The following PLCG2 variants were observed in gnomAD, a reference collection of about 807,000 sequenced individuals.
PLCG2 encodes 1-phosphatidylinositol 4,5-bisphosphate phosphodiesterase gamma-2.
A neutral mutation model predicts 175.6 loss-of-function variants in PLCG2; 69 were observed. The observed-to-expected ratio is 0.39, with a 90% CI of 0.32 to 0.48. The LOEUF (loss-of-function observed/expected upper bound fraction) is 0.48. Ranked by LOEUF, PLCG2 falls within the 20% of genes least tolerant of loss-of-function variation. PLCG2 has a pLI of 0.91. For synonymous variants in PLCG2, 827 were observed against 624.0 expected (o/e 1.33, Z -4.85); for missense variants, 1,798 against 1,650.9 (o/e 1.09, Z -1.54).
chr16:81,898,968 T>C (rs1240779252), intron 13 of PLCG2, among the ~76,000 whole-genome samples: 5 of 152,120 alleles, frequency 3.3e-5, no homozygotes, highest in Non-Finnish European at 7.3e-5. Flanking sequence ...GTGGATCAAC[T>C]GAATTCAGGA....
chr16:81,779,330 C>G lies in PLCG2; in HGVS notation c.-142C>G, dbSNP rs986675642. ...CCGGCGGCGGAGGGCGTGAGCGGCG[C>G]TGAGTGACCCGAGTCGGGACGCGGG... is the stretch of plus-strand genomic sequence containing the variant. On this transcript the variant is annotated 5_prime_UTR_variant, in exon 1 of 33. Transcript: ENST00000564138. 6.6e-6 allele frequency: 1 copy of G among 150,732 alleles called. No individual in the cohort carries two copies. Among genetic ancestry groups the G allele is most frequent in the African/African-American group, 2.4e-5 (1 of 41,262 alleles). The allele number at this position is 150,732 out of a possible 1,614,324, so 9.3% of individuals were successfully genotyped here. A position where few individuals can be genotyped will look rare whatever the true frequency, so the allele number is the denominator to read the frequency against.
upstream of PLCG2, among the ~76,000 whole-genome samples, chr16:81,778,080 A>AC (rs1176968603): frequency 1.8e-3 from 82 of 45,598 alleles, 4 homozygotes; most frequent in East Asian, 0.033. Flanking sequence ...ACACACACAC[A>AC]CAAAAAAAAC....
intron 30 of PLCG2, among the ~76,000 whole-genome samples, chr16:81,944,863 G>GGCCAACT (rs1485149779): frequency 6.6e-6 from 1 of 152,098 alleles, no homozygotes; most frequent in African/African-American, 2.4e-5. Context: ...AGATATCAAG[G>GGCCAACT]GCCAACTGTA....
At position 81,786,088 on chromosome 16, in the gene PLCG2, C is replaced by T. The variant is rs760188007; in HGVS notation, c.99C>T (p.Phe33=). 3 of 1,614,226 alleles carry T rather than the reference C, an allele frequency of 1.9e-6. No homozygotes were observed. The highest frequency in any genetic ancestry group is 2.5e-6 in the Non-Finnish European group (3 of 1,180,044). Residue 33 remains phenylalanine (F), a synonymous_variant, in exon 2 of 33, where the codon TTC becomes TTT. Transcript: ENST00000564138. ...ELGTVMTVFS[F]RKSTPERRTV... is the part of the protein sequence containing the mutation. ...GGACGGTGATGACTGTGTTCAGCTT[C>T]CGCAAGTCCACCCCCGAGCGGAGAA...
chr16:81,797,466 C>T (rs911863459), intron 2 of PLCG2, among the ~76,000 whole-genome samples: 6 of 152,176 alleles, frequency 3.9e-5, no homozygotes, highest in African/African-American at 9.7e-5. Context: ...ATGCAAGGCC[C>T]GATCTTGGGG....
At chr16:81,933,307 G>C (rs563722323) in intron 25 of PLCG2, among the ~76,000 whole-genome samples, 2 of 152,336 alleles carry the variant, frequency 1.3e-5, no homozygotes, top group Non-Finnish European at 2.9e-5. Context: ...CGGAGCTGGT[G>C]TTGGGGAGCA....
chr16:81,819,792 G>A (rs896590351), intron 2 of PLCG2, among the ~76,000 whole-genome samples: 1 of 152,050 alleles, frequency 6.6e-6, no homozygotes, highest in Admixed American at 6.5e-5. Flanking sequence ...CACCATGTTG[G>A]CCAGGCTGGT....
chr16:81,915,279 C>G (rs1280647925), intron 19 of PLCG2, among the ~76,000 whole-genome samples: 1 of 152,156 alleles, frequency 6.6e-6, no homozygotes, highest in South Asian at 2.1e-4. Context: ...TAAAGTGCCT[C>G]TCCTGTGCCA....
intron 22 of PLCG2, among the ~76,000 whole-genome samples, chr16:81,926,472 G>A (rs575922379): frequency 1.7e-4 from 26 of 152,324 alleles, no homozygotes; most frequent in African/African-American, 5.1e-4. Context: ...ATTATGTCCC[G>A]TGTTGTTAGT....
chr16:81,938,740 C>A, intron 28 of PLCG2, 61 bp from the exon 29 acceptor site: 1 of 961,468 alleles, frequency 1.0e-6, no homozygotes, highest in Non-Finnish European at 1.6e-6. Context: ...AGCTGCAATC[C>A]ACGCTAGGCT....
At chr16:81,931,345 C>A (rs909818609) in intron 24 of PLCG2, 152 bp from the exon 25 acceptor site, 20 of 635,738 alleles carry the variant, frequency 3.1e-5, no homozygotes, top group Non-Finnish European at 4.9e-5. Flanking sequence ...TGTGTACTTA[C>A]CCCGATGGAA....
chr16:81,868,361 G>A (rs1266332110), intron 5 of PLCG2, among the ~76,000 whole-genome samples: 1 of 126,174 alleles, frequency 7.9e-6, no homozygotes. Flanking sequence ...GGCATTAAAA[G>A]AAACCTTTAT....
intron 15 of PLCG2, 133 bp from the exon 16 acceptor site, chr16:81,907,552 G>A (rs757044179): frequency 5.4e-5 from 29 of 534,864 alleles, no homozygotes; most frequent in African/African-American, 1.9e-4. Flanking sequence ...CAGAGAATTC[G>A]CCATAAATGT....
intron 25 of PLCG2, among the ~76,000 whole-genome samples, chr16:81,933,569 GT>G (rs1265366204): frequency 1.3e-5 from 2 of 149,474 alleles, no homozygotes; most frequent in Non-Finnish European, 3.0e-5. Context: ...TTGTCATGCT[GT>G]TTTTTGTTTT....
Position 81,805,767 on chromosome 16 carries a change from G to GTTTTTTTTTTTT in PLCG2, c.193+19589_193+19600dup, listed in dbSNP as rs766609754. ...AGCCATGAGAGTAGTGTTTTGTTTT[G>GTTTTTTTTTTTT]TTTTTTTTTTTTTTTGTTTTTTTTT... On this transcript the variant is annotated intron_variant, in intron 2 of 32. Coordinates refer to ENST00000564138, the MANE Select transcript of PLCG2 (RefSeq NM_002661.5). 6.6e-4 allele frequency among the ~76,000 whole-genome samples: 26 copies of GTTTTTTTTTTTT among 39,492 alleles called. 1 individual carries two copies. The highest frequency in any genetic ancestry group is 1.7e-3 in the African/African-American group (14 of 8,166). The allele number at this position is 39,492 out of a possible 152,430, so 25.9% of individuals were successfully genotyped here.
rs561698032 is a variant in PLCG2 at position 81,814,845 on chromosome 16, G to A, written c.193+28663G>A. Among the ~76,000 whole-genome samples the A allele has an allele frequency of 9.8e-4, 150 of 152,292 alleles. 1 individual carries two copies. The highest frequency in any genetic ancestry group is 2.9e-3 in the South Asian group (14 of 4,820). On this transcript the variant is annotated intron_variant, in intron 2 of 32. Transcript: ENST00000564138. ...ACCTTAGTTTCTTTGTCTCTGCAGT[G>A]GGGATTATGATGATCCTCTCCCCAT...
chr16:81,763,529 C>A (rs1910082766), intron 2 of PLCG2, among the ~76,000 whole-genome samples: 1 of 152,234 alleles, frequency 6.6e-6, no homozygotes, highest in African/African-American at 2.4e-5. Flanking sequence ...AGGTGAGGCT[C>A]CCCGGGCACC....
chr16:81,769,146 G>A (rs1597308205), intron 2 of PLCG2, among the ~76,000 whole-genome samples: 1 of 152,198 alleles, frequency 6.6e-6, no homozygotes, highest in Admixed American at 6.5e-5. Context: ...TGCCATGTGA[G>A]TTTCTCTGCT....
intron 28 of PLCG2, among the ~76,000 whole-genome samples, 171 bp downstream of exon 28, chr16:81,938,074 G>A (rs1910791129): frequency 6.6e-6 from 1 of 152,064 alleles, no homozygotes; most frequent in African/African-American, 2.4e-5. Flanking sequence ...TACACTCCGG[G>A]GTCGTTCTGG....
Sources: allele counts gnomAD v4.1 joint callset (sites outside exome capture counted in the v4.1 genomes callset), GRCh38; gene constraint gnomAD v4.1.1; transcripts MANE v1.5; gene names NCBI Gene and HGNC (gene_info 2026-07-23, HGNC 2026-07-21).